The following FAM53C variants were observed in gnomAD, a reference collection of about 807,000 sequenced individuals.
FAM53C encodes the protein protein FAM53C.
Under a neutral mutation model 34.7 loss-of-function variants are expected in FAM53C, and 10 were observed. That is an observed-to-expected ratio of 0.29 (90% CI 0.18 to 0.49). The LOEUF is 0.49. Ranked by LOEUF, FAM53C falls within the 20% of genes least tolerant of loss-of-function variation. The pLI, the probability that FAM53C is intolerant of heterozygous loss-of-function variation, is 0.99. For synonymous variants in FAM53C, 203 were observed against 203.6 expected (o/e 1.00, Z 0.03); for missense variants, 442 against 515.3 (o/e 0.86, Z 1.38).
At position 138,341,223 on chromosome 5, in the gene FAM53C, C is replaced by T. The variant is rs41300793; in HGVS notation, c.-113C>T. On this transcript the variant is annotated 5_prime_UTR_variant, in exon 2 of 5. Transcript: ENST00000239906. ...ACTGGAGAGGGAAGTCCCAATGGTG[C>T]TAGAATGGTGCTGCAGTGGCAGAAG... 1,778 of 881,032 alleles carry T rather than the reference C, an allele frequency of 2.0e-3. 3 individuals carry two copies. The highest frequency in any genetic ancestry group is 2.9e-3 in the Non-Finnish European group (1,514 of 513,622). The allele number at this position is 881,032 out of a possible 1,614,324, so 54.6% of individuals were successfully genotyped here. A position where few individuals can be genotyped will look rare whatever the true frequency, so the allele number is the denominator to read the frequency against.
intron 2 of FAM53C, 137 bp downstream of exon 2, chr5:138,341,550 A>AAC: frequency 1.1e-6 from 1 of 885,858 alleles, no homozygotes; most frequent in African/African-American, 1.7e-5. Context: ...AATGGCTCAA[A>AAC]ACCCAGCCCA....
At chr5:138,338,445 C>A in intron 1 of FAM53C, 138 bp downstream of exon 1, 1 of 333,924 alleles carries the variant, frequency 3.0e-6, no homozygotes, top group South Asian at 2.2e-5. Flanking sequence ...GGGGAGAGCA[C>A]GGGACCCGGT....
Position 138,345,426 on chromosome 5 carries a change from C to G in FAM53C, c.738C>G (p.Pro246=), listed in dbSNP as rs1033948721. The change falls in exon 4 of 5, where the codon CCC becomes CCG. Residue 246 remains proline, a synonymous_variant. Transcript: ENST00000239906. This position sits in a 1 kb window ranked among gnomAD's most constrained non-coding sequence, Gnocchi z 6.3. ...SLGPQASRFL[P]SARSSPASSP... Reference sequence around the variant, plus strand: ...GCCCGCAGGCAAGCCGCTTCTTGCCCTCTGCCCGGAGCTCTCCCGCATCCT... The same window carrying G: ...GCCCGCAGGCAAGCCGCTTCTTGCCGTCTGCCCGGAGCTCTCCCGCATCCT... 3 of 1,614,030 alleles carry G rather than the reference C, an allele frequency of 1.9e-6. No individual in the cohort carries two copies. The highest frequency in any genetic ancestry group is 2.5e-6 in the Non-Finnish European group (3 of 1,180,036).
chr5:138,346,156 C>G (rs1187152706), intron 4 of FAM53C, among the ~76,000 whole-genome samples: 1 of 152,180 alleles, frequency 6.6e-6, no homozygotes, highest in African/African-American at 2.4e-5. Flanking sequence ...GGTTACAAAC[C>G]TCTTTAAGAA....
chr5:138,341,505 T>C, intron 2 of FAM53C, 92 bp downstream of exon 2: 2 of 1,193,764 alleles, frequency 1.7e-6, no homozygotes, highest in Non-Finnish European at 2.5e-6. Flanking sequence ...TCCTGTGCTG[T>C]ATGAATCATG....
chr5:138,337,650 T>G (rs2126876483), upstream of FAM53C: 1 of 311,246 alleles, frequency 3.2e-6, no homozygotes, highest in Non-Finnish European at 6.2e-6. Flanking sequence ...AGTGGAAACG[T>G]CCCCGCAACC....
rs1017928504 is a variant in FAM53C at position 138,345,757 on chromosome 5, C to A, written c.921+148C>A. ...TCTTAGCTAGGGTGACCTACCATCCCAGTTTGCCTGGGACTGTCCCAGTGT... is the reference window on the plus strand; with the variant it reads ...TCTTAGCTAGGGTGACCTACCATCCAAGTTTGCCTGGGACTGTCCCAGTGT... On this transcript the variant is annotated intron_variant, in intron 4 of 4. Transcript: ENST00000239906. This position sits in a 1 kb window ranked among gnomAD's most constrained non-coding sequence, Gnocchi z 6.3. 2.1e-6 allele frequency: 2 copies of A among 963,976 alleles called. No homozygotes were observed. Among genetic ancestry groups the A allele is most frequent in the African/African-American group, 3.3e-5 (2 of 60,680 alleles). The allele number at this position is 963,976 out of a possible 1,614,324, so 59.7% of individuals were successfully genotyped here.
rs758612656 is a variant in FAM53C at position 138,346,790 on chromosome 5, C to A, written c.1010C>A (p.Pro337Gln). The change falls in exon 5 of 5, where the codon CCA (proline) becomes CAA (glutamine). Residue 337 changes from proline to glutamine, a missense_variant. Transcript: ENST00000239906. Reference sequence around the variant, plus strand: ...CCATGGTTCATGGCCTGTAGCCCCCCACCCCTCTCTGCTTCCTGCAGCCCC... The same window carrying A: ...CCATGGTTCATGGCCTGTAGCCCCCAACCCCTCTCTGCTTCCTGCAGCCCC... ...SPPWFMACSP[P>Q]PLSASCSPTG... 6 of 1,614,192 alleles carry A rather than the reference C, an allele frequency of 3.7e-6. No homozygotes were observed. The highest frequency in any genetic ancestry group is 5.1e-6 in the Non-Finnish European group (6 of 1,180,050).
chr5:138,340,654 G>GT (rs1363344179), intron 1 of FAM53C, among the ~76,000 whole-genome samples: 1 of 152,200 alleles, frequency 6.6e-6, no homozygotes, highest in Non-Finnish European at 1.5e-5. Context: ...AACAAACACT[G>GT]TATCTATTGG....
In FAM53C at chr5:138,345,533, A is replaced by G; in HGVS notation, c.845A>G (p.Lys282Arg). ...RSQPCDLDAR[K>R]TGVKRRHEED... ...CAGCCTTGTGATCTGGATGCCCGCA[A>G]AACTGGGGTCAAGCGGCGCCACGAG... The change falls in exon 4 of 5, where the codon AAA (lysine) becomes AGA (arginine). Residue 282 changes from lysine to arginine, a missense_variant. Coordinates refer to ENST00000239906, the MANE Select transcript of FAM53C (RefSeq NM_016605.3). This position sits in a 1 kb window ranked among gnomAD's most constrained non-coding sequence, Gnocchi z 6.3. 6.2e-7 allele frequency: 1 copy of G among 1,613,978 alleles called. No individual in the cohort carries two copies. Among genetic ancestry groups the G allele is most frequent in the East Asian group, 2.2e-5 (1 of 44,866 alleles).
chr5:138,341,405 A>G lies in FAM53C; in HGVS notation c.70A>G (p.Ile24Val). 1 of 1,613,776 alleles carries G rather than the reference A, an allele frequency of 6.2e-7. No individual in the cohort carries two copies. The highest frequency in any genetic ancestry group is 1.1e-5 in the South Asian group (1 of 91,080). The change falls in exon 2 of 5, where the codon ATC becomes GTC. Residue 24 changes from isoleucine (I) to valine (V), a missense_variant. Ile to Val is a conservative substitution (Grantham distance 29). Transcript: ENST00000239906. ...TGAGCTGAAATGCACACGCTTCAGC[A>G]TCAGTCTGGTAAAAGACCAGTCTTC... is the stretch of plus-strand genomic sequence containing the variant. ...LDELKCTRFS[I>V]SLPLPDHADI...
chr5:138,346,135 C>T (rs1418387207), intron 4 of FAM53C, among the ~76,000 whole-genome samples: 1 of 152,160 alleles, frequency 6.6e-6, no homozygotes, highest in African/African-American at 2.4e-5. Flanking sequence ...ATTATTCTTT[C>T]TAGACCACTA....
In FAM53C at chr5:138,345,507, A is replaced by G. The variant is rs879122307; in HGVS notation, c.819A>G (p.Ser273=). 3 of 1,614,024 alleles carry G rather than the reference A, an allele frequency of 1.9e-6. No homozygotes were observed. Among genetic ancestry groups the G allele is most frequent in the South Asian group, 2.2e-5 (2 of 91,084 alleles). ...RGLRNLPRSR[S]QPCDLDARKT... ...TCCGCAACCTTCCCCGAAGCCGCTC[A>G]CAGCCTTGTGATCTGGATGCCCGCA... Residue 273 remains serine, a synonymous_variant, in exon 4 of 5, where the codon TCA becomes TCG. Transcript: ENST00000239906. This position sits in a 1 kb window ranked among gnomAD's most constrained non-coding sequence, Gnocchi z 6.3.
chr5:138,346,297 A>G (rs10900851), intron 4 of FAM53C, among the ~76,000 whole-genome samples: 3 of 152,068 alleles, frequency 2.0e-5, no homozygotes, highest in Non-Finnish European at 2.9e-5. Context: ...CTATTCTTCA[A>G]TTCAATGGAA....
chr5:138,341,446 C>G (rs1761031470), intron 2 of FAM53C, 33 bp downstream of exon 2: 7 of 1,564,104 alleles, frequency 4.5e-6, no homozygotes, highest in Middle Eastern at 1.7e-4. Context: ...TCTCCACGAC[C>G]CCCTCCCCCT....
intron 1 of FAM53C, among the ~76,000 whole-genome samples, chr5:138,338,806 C>T (rs1448531287): frequency 2.6e-5 from 4 of 152,240 alleles, no homozygotes; most frequent in Non-Finnish European, 4.4e-5. Flanking sequence ...CATGCAGCTC[C>T]CTGCCTTCCT....
In FAM53C at chr5:138,345,601, A is replaced by T; in HGVS notation, c.913A>T (p.Met305Leu). ...RLRPSLDFDK[M>L]NQKPYSGGLC... is the part of the protein sequence containing the mutation. Reference sequence around the variant, plus strand: ...GCGGCCTTCGTTGGACTTTGACAAGATGAATCAGGTGGGACCAGCAAGACT... The same window carrying T: ...GCGGCCTTCGTTGGACTTTGACAAGTTGAATCAGGTGGGACCAGCAAGACT... The change falls in exon 4 of 5, where the codon ATG (methionine) becomes TTG (leucine). Residue 305 changes from methionine (M) to leucine (L), a missense_variant. Transcript: ENST00000239906. This position sits in a 1 kb window ranked among gnomAD's most constrained non-coding sequence, Gnocchi z 6.3. The T allele has an allele frequency of 6.2e-7, 1 of 1,611,422 alleles. No homozygotes were observed. The highest frequency in any genetic ancestry group is 8.5e-7 in the Non-Finnish European group (1 of 1,178,752).
chr5:138,342,569 A>T (rs1312119018), intron 3 of FAM53C: 1 of 152,258 alleles, frequency 6.6e-6, no homozygotes, highest in African/African-American at 2.4e-5. Context: ...CTCTACTAAA[A>T]ATATAAAATT....
At position 138,346,995 on chromosome 5, in the gene FAM53C, ACT is replaced by A. The variant is rs748680387; in HGVS notation, c.*42_*43del. 5.6e-6 allele frequency: 9 copies of A among 1,611,988 alleles called. No homozygotes were observed. The highest frequency in any genetic ancestry group is 5.5e-5 in the South Asian group (5 of 90,932). ...CTACTTCCTGGGGCCACACAGACTG[ACT>A]CTCTCATGGCTACTAACAAGTGTCG... On this transcript the variant is annotated 3_prime_UTR_variant, in exon 5 of 5. Coordinates refer to ENST00000239906, the MANE Select transcript of FAM53C (RefSeq NM_016605.3).
Sources: gnomAD v4.1 joint callset for allele counts (sites outside exome capture counted in the v4.1 genomes callset) on GRCh38, gnomAD v4.1.1 for gene constraint, Gnocchi (gnomAD v3.1) non-coding constraint, MANE v1.5 for transcripts, NCBI Gene and HGNC (gene_info 2026-07-23, HGNC 2026-07-21) for gene names.